The following SLC36A1 variants were observed in gnomAD, a reference collection of about 807,000 sequenced individuals.
The protein encoded by SLC36A1 is solute carrier family 36 member 1.
A neutral mutation model predicts 47.5 loss-of-function variants in SLC36A1; 30 were observed. The observed-to-expected ratio is 0.63, with a 90% CI of 0.47 to 0.86. The LOEUF (loss-of-function observed/expected upper bound fraction) is 0.86, where lower values mean the gene tolerates loss of function less well. SLC36A1 is among the 40% of genes least tolerant of loss of function. SLC36A1 has a pLI of 0.00. For missense variants in SLC36A1, 517 were observed against 606.0 expected (o/e 0.85, Z 1.54); for synonymous variants, 255 against 249.7 (o/e 1.02, Z -0.20).
chr5:151,505,656 G>A, the SLC36A1 span: 26 of 1,614,104 alleles, frequency 1.6e-5, no homozygotes, highest in East Asian at 4.0e-4. Context: ...GCCCTGGCCT[G>A]CAAGAGGTGC....
chr5:151,455,369 G>T (rs1754341326), intron 1 of SLC36A1, among the ~76,000 whole-genome samples: 1 of 151,992 alleles, frequency 6.6e-6, no homozygotes, highest in Non-Finnish European at 1.5e-5. Context: ...CAATATGCAT[G>T]CAGTTGCTTA....
At chr5:151,527,442 T>C in the SLC36A1 span, 1 of 1,440,576 alleles carries the variant, frequency 6.9e-7, no homozygotes, top group African/African-American at 1.4e-5. Flanking sequence ...GCCCCCTGAG[T>C]CATCACTAAT....
At chr5:151,500,201 C>T in the SLC36A1 span, among the ~76,000 whole-genome samples, 6 of 152,274 alleles carry the variant, frequency 3.9e-5, no homozygotes, top group East Asian at 1.2e-3. Context: ...GTAAGGCGCA[C>T]CTCCCGAGTC....
intron 10 of SLC36A1, among the ~76,000 whole-genome samples, chr5:151,485,212 C>CT (rs1759359324): frequency 6.6e-6 from 1 of 152,140 alleles, no homozygotes; most frequent in South Asian, 2.1e-4. Flanking sequence ...AAAGCCTAAA[C>CT]TTTTTGCACA....
chr5:151,531,484 C>G, the SLC36A1 span: 6 of 1,472,614 alleles, frequency 4.1e-6, no homozygotes, highest in Non-Finnish European at 5.5e-6. The surrounding 1 kb of genome is among the most constrained non-coding windows in gnomAD (Gnocchi z 5.7). Flanking sequence ...GAGGTCTGCT[C>G]TGGGAGGCGC....
chr5:151,493,191 C>T (rs1760239598), downstream of SLC36A1, among the ~76,000 whole-genome samples: 1 of 152,196 alleles, frequency 6.6e-6, no homozygotes, highest in Non-Finnish European at 1.5e-5. Context: ...ACACTTAAGG[C>T]TTAAAATGTT....
the SLC36A1 span, among the ~76,000 whole-genome samples, chr5:151,355,142 T>C: frequency 2.6e-5 from 4 of 152,166 alleles, no homozygotes; most frequent in Admixed American, 6.5e-5. Context: ...TGAGATTTTA[T>C]TATCCATGCA....
At chr5:151,448,882 C>G (rs1249230005) in intron 1 of SLC36A1, among the ~76,000 whole-genome samples, 1 of 152,080 alleles carries the variant, frequency 6.6e-6, no homozygotes, top group Non-Finnish European at 1.5e-5. Context: ...CTGCTGTGAT[C>G]TGGATGTTGT....
chr5:151,484,202 G>A (rs962375566), intron 10 of SLC36A1, among the ~76,000 whole-genome samples: 1 of 152,064 alleles, frequency 6.6e-6, no homozygotes, highest in African/African-American at 2.4e-5. Context: ...GGAGAGGGTG[G>A]GGAGATGACA....
At chr5:151,356,339 C>CAAAAAAAAAA in the SLC36A1 span, among the ~76,000 whole-genome samples, 82 of 51,312 alleles carry the variant, frequency 1.6e-3, 5 homozygotes, top group Middle Eastern at 0.013. Flanking sequence ...CTCTGTCTCA[C>CAAAAAAAAAA]AAAAAAAAAA....
the SLC36A1 span, among the ~76,000 whole-genome samples, chr5:151,502,186 C>T: frequency 2.7e-5 from 4 of 147,446 alleles, 1 homozygote; most frequent in African/African-American, 1.1e-4. Context: ...GTGGTGGGCA[C>T]CTGTAATCCC....
At chr5:151,392,502 A>G in the SLC36A1 span, among the ~76,000 whole-genome samples, 1 of 152,058 alleles carries the variant, frequency 6.6e-6, no homozygotes, top group Non-Finnish European at 1.5e-5. Flanking sequence ...TTAGGGTGTC[A>G]ATTTTAGATC....
the SLC36A1 span, chr5:151,506,151 G>A: frequency 6.7e-7 from 1 of 1,487,734 alleles, no homozygotes; most frequent in Non-Finnish European, 8.9e-7. Flanking sequence ...GAAGGTTTCA[G>A]CTGGCTCTAT....
At chr5:151,389,479 T>C in the SLC36A1 span, among the ~76,000 whole-genome samples, 1 of 152,092 alleles carries the variant, frequency 6.6e-6, no homozygotes, top group Non-Finnish European at 1.5e-5. Flanking sequence ...GTTACGTATG[T>C]ATACATGTGC....
the SLC36A1 span, chr5:151,546,048 C>T: frequency 7.4e-6 from 12 of 1,614,044 alleles, no homozygotes; most frequent in Middle Eastern, 1.6e-4. Context: ...CCTCTCTTAA[C>T]TCATAGGTAA....
chr5:151,514,857 T>C, the SLC36A1 span, among the ~76,000 whole-genome samples: 2 of 152,194 alleles, frequency 1.3e-5, no homozygotes, highest in Non-Finnish European at 2.9e-5. Context: ...GTCTACTGAT[T>C]CTCCTTCCTC....
the SLC36A1 span, among the ~76,000 whole-genome samples, chr5:151,393,328 C>T: frequency 1.3e-5 from 2 of 152,146 alleles, no homozygotes; most frequent in Admixed American, 6.5e-5. Flanking sequence ...CTGAATACAG[C>T]ACACTGATGG....
the SLC36A1 span, chr5:151,534,372 G>A: frequency 1.3e-6 from 2 of 1,522,250 alleles, no homozygotes; most frequent in Non-Finnish European, 1.8e-6. Flanking sequence ...TGACCCAGGA[G>A]ATCATTGGAA....
the SLC36A1 span, among the ~76,000 whole-genome samples, chr5:151,418,050 C>A: frequency 6.6e-6 from 1 of 152,264 alleles, no homozygotes; most frequent in African/African-American, 2.4e-5. Context: ...AAGCCCCAAG[C>A]ATGGACAGCT....
Sources: allele counts gnomAD v4.1 joint callset (sites outside exome capture counted in the v4.1 genomes callset), GRCh38; gene constraint gnomAD v4.1.1; non-coding constraint Gnocchi (gnomAD v3.1); transcripts MANE v1.5; gene names NCBI Gene and HGNC (gene_info 2026-07-23, HGNC 2026-07-21).